Variants in GALNT17 observed in about 807,000 individuals in gnomAD.
The protein encoded by GALNT17 is polypeptide N-acetylgalactosaminyltransferase 17.
GALNT17 carries 29 observed loss-of-function variants against 63.7 expected under a neutral mutation model. That is an observed-to-expected ratio of 0.46 (90% CI 0.34 to 0.62). The LOEUF is 0.62. Among genes scored for constraint, GALNT17 ranks in the 20% least tolerant of loss-of-function variants. GALNT17 has a pLI of 0.01. For missense variants in GALNT17, 603 were observed against 799.6 expected (o/e 0.75, Z 2.97); for synonymous variants, 305 against 318.3 (o/e 0.96, Z 0.45).
At chr7:71,516,327 G>A (rs1054636665) in intron 5 of GALNT17, among the ~76,000 whole-genome samples, 8 of 152,032 alleles carry the variant, frequency 5.3e-5, no homozygotes, top group South Asian at 4.1e-4. Flanking sequence ...TTCCTTTCCC[G>A]CTCAGAATCT....
chr7:71,167,358 GT>G (rs1788462209), intron 1 of GALNT17, among the ~76,000 whole-genome samples: 1 of 152,076 alleles, frequency 6.6e-6, no homozygotes, highest in South Asian at 2.1e-4. Flanking sequence ...GATGTTGATC[GT>G]ATTTTTATGT....
At chr7:71,321,867 T>TTCC (rs1272306510) in intron 1 of GALNT17, among the ~76,000 whole-genome samples, 8 of 46,902 alleles carry the variant, frequency 1.7e-4, no homozygotes, top group South Asian at 1.4e-3. Context: ...CCTTCCTTCC[T>TTCC]TTCCTTCCTT....
chr7:71,377,363 C>A (rs1365484409), intron 2 of GALNT17, among the ~76,000 whole-genome samples: 1 of 30,984 alleles, frequency 3.2e-5, no homozygotes, highest in Non-Finnish European at 6.4e-5. Flanking sequence ...GAGAATATTC[C>A]AAAATAAATA....
intron 3 of GALNT17, among the ~76,000 whole-genome samples, chr7:71,390,608 C>G (rs554411481): frequency 6.6e-6 from 1 of 152,310 alleles, no homozygotes; most frequent in South Asian, 2.1e-4. Context: ...GCTCTCTGCT[C>G]TGTGGCCTTT....
intron 5 of GALNT17, among the ~76,000 whole-genome samples, chr7:71,476,312 C>G (rs528449320): frequency 6.6e-6 from 1 of 152,250 alleles, no homozygotes; most frequent in South Asian, 2.1e-4. Flanking sequence ...GTTACCCTGC[C>G]CTTCCAGCTG....
intron 1 of GALNT17, among the ~76,000 whole-genome samples, chr7:71,186,243 C>T (rs1247949896): frequency 6.6e-6 from 1 of 152,216 alleles, no homozygotes; most frequent in East Asian, 1.9e-4. Flanking sequence ...AATTGCATCC[C>T]TCTCTACTCC....
At chr7:71,638,838 G>A (rs1790564581) in intron 6 of GALNT17, among the ~76,000 whole-genome samples, 1 of 152,132 alleles carries the variant, frequency 6.6e-6, no homozygotes, top group Admixed American at 6.6e-5. Flanking sequence ...ACACAGAAAG[G>A]CAAACATCGC....
chr7:71,595,800 A>G (rs1036770550), intron 6 of GALNT17, among the ~76,000 whole-genome samples: 1 of 152,064 alleles, frequency 6.6e-6, no homozygotes, highest in Non-Finnish European at 1.5e-5. Flanking sequence ...CCCAGTTCCA[A>G]TGACCCCATC....
At chr7:71,519,694 C>T (rs1365104336) in intron 5 of GALNT17, among the ~76,000 whole-genome samples, 1 of 152,094 alleles carries the variant, frequency 6.6e-6, no homozygotes, top group East Asian at 1.9e-4. Context: ...AAACTCCTGA[C>T]CTCAGATGAC....
intron 6 of GALNT17, among the ~76,000 whole-genome samples, chr7:71,613,348 A>T (rs1470067153): frequency 6.6e-6 from 1 of 152,238 alleles, no homozygotes; most frequent in East Asian, 1.9e-4. Context: ...CCCAGCATTA[A>T]TCAGCCCATT....
intron 6 of GALNT17, among the ~76,000 whole-genome samples, chr7:71,609,473 TAACTCACAGC>T (rs941110809): frequency 6.6e-6 from 1 of 152,242 alleles, no homozygotes; most frequent in African/African-American, 2.4e-5. Context: ...CCACCATTCT[TAACTCACAGC>T]AAACTGAGAA....
In GALNT17 at chr7:71,394,907, G is replaced by A. The variant is rs183964014; in HGVS notation, c.589+6506G>A. Among the ~76,000 whole-genome samples, 389 of 152,194 alleles carry A rather than the reference G, an allele frequency of 2.6e-3. 1 individual carries two copies. The Middle Eastern group carries it at 0.027, about 11-fold the overall frequency. On this transcript the variant is annotated intron_variant, in intron 3 of 10. Transcript: ENST00000333538. ...ACTTGAGGTCAGGAGTTCGAGACCA[G>A]CCTGGCCAATATGGGGAAACCTTGT...
chr7:71,340,064 G>T (rs1791981709), intron 2 of GALNT17, among the ~76,000 whole-genome samples: 1 of 152,204 alleles, frequency 6.6e-6, no homozygotes. Context: ...ACATGAGGTG[G>T]GTGGGGGTTT....
At chr7:71,155,588 A>G (rs1193018319) in intron 1 of GALNT17, among the ~76,000 whole-genome samples, 4 of 151,486 alleles carry the variant, frequency 2.6e-5, no homozygotes, top group African/African-American at 9.8e-5. Context: ...TTTTTTTAAA[A>G]TTCTTTTTTC....
chr7:71,420,783 A>T, intron 4 of GALNT17, 125 bp from the exon 5 acceptor site: 2 of 1,159,218 alleles, frequency 1.7e-6, no homozygotes, highest in Non-Finnish European at 2.5e-6. Context: ...CTCAGTTTGC[A>T]TCTGAGTTCC....
At position 71,677,203 on chromosome 7, in the gene GALNT17, T is replaced by A; in HGVS notation, c.1405-8T>A. The A allele has an allele frequency of 1.2e-6, 2 of 1,613,890 alleles. No homozygotes were observed. Among genetic ancestry groups the A allele is most frequent in the Non-Finnish European group, 1.7e-6 (2 of 1,179,860 alleles). The stretch of plus-strand genomic sequence containing the variant: ...CTCTCATGGGTCGTGTTTTGTCTAT[T>A]CTTGCAGCTTCGCAACAACAAGGCA... On this transcript the variant is annotated splice_region_variant and splice_polypyrimidine_tract_variant and intron_variant, in intron 8 of 10. Coordinates refer to ENST00000333538, the MANE Select transcript of GALNT17 (RefSeq NM_022479.3).
intron 1 of GALNT17, among the ~76,000 whole-genome samples, chr7:71,219,242 C>T (rs1230613822): frequency 6.6e-6 from 1 of 152,176 alleles, no homozygotes. Context: ...GTCAGATTCA[C>T]ACCCAAACAA....
At chr7:71,305,936 A>G (rs1255547408) in intron 1 of GALNT17, among the ~76,000 whole-genome samples, 1 of 152,188 alleles carries the variant, frequency 6.6e-6, no homozygotes, top group African/African-American at 2.4e-5. Context: ...ATTTCTAATT[A>G]GGCCGGGCAT....
intron 1 of GALNT17, among the ~76,000 whole-genome samples, chr7:71,265,531 A>G (rs1415391805): frequency 6.6e-6 from 1 of 152,136 alleles, no homozygotes; most frequent in African/African-American, 2.4e-5. Flanking sequence ...CTAAATTTGC[A>G]CAAGGAGGGC....
Sources: gnomAD v4.1 joint callset for allele counts (sites outside exome capture counted in the v4.1 genomes callset) on GRCh38, gnomAD v4.1.1 for gene constraint, MANE v1.5 for transcripts, NCBI Gene and HGNC (gene_info 2026-07-23, HGNC 2026-07-21) for gene names.